Variants in HCRTR2 observed in about 807,000 individuals in gnomAD.
The protein encoded by HCRTR2 is orexin receptor type 2.
HCRTR2 carries 22 observed loss-of-function variants against 49.0 expected under a neutral mutation model. That is an observed-to-expected ratio of 0.45 (90% CI 0.32 to 0.64). The LOEUF is 0.64. HCRTR2 is among the 30% of genes least tolerant of loss of function. The probability of loss-of-function intolerance (pLI) is 0.04; values close to 1 mark genes in which losing one functional copy is unlikely to be tolerated. For missense variants in HCRTR2, 491 were observed against 559.4 expected (o/e 0.88, Z 1.23); for synonymous variants, 236 against 205.3 (o/e 1.15, Z -1.28).
chr6:55,269,496 T>C (rs1766930688), intron 4 of HCRTR2, among the ~76,000 whole-genome samples: 1 of 152,102 alleles, frequency 6.6e-6, no homozygotes, highest in African/African-American at 2.4e-5. Flanking sequence ...TTAGAACAAA[T>C]AAATGAGTTC....
chr6:55,271,324 G>A (rs960417116), intron 4 of HCRTR2, among the ~76,000 whole-genome samples: 3 of 152,044 alleles, frequency 2.0e-5, no homozygotes, highest in Non-Finnish European at 4.4e-5. Context: ...ATGGTGTTAA[G>A]ACAATTGTAT....
intron 4 of HCRTR2, among the ~76,000 whole-genome samples, chr6:55,265,474 G>C (rs1766844400): frequency 6.6e-6 from 1 of 152,108 alleles, no homozygotes; most frequent in Admixed American, 6.6e-5. Flanking sequence ...GGCACTTTCT[G>C]GGACATGGCA....
intron 4 of HCRTR2, among the ~76,000 whole-genome samples, chr6:55,273,174 G>C (rs1217309756): frequency 2.0e-5 from 3 of 151,992 alleles, no homozygotes; most frequent in Non-Finnish European, 2.9e-5. Context: ...TTGGAATACA[G>C]TCATCTTCAT....
At chr6:55,163,108 C>G (rs539022118) in intron 1 of HCRTR2, among the ~76,000 whole-genome samples, 1 of 151,846 alleles carries the variant, frequency 6.6e-6, no homozygotes, top group African/African-American at 2.4e-5. Flanking sequence ...TGGTGGCAGG[C>G]GCCTGTAGTC....
chr6:55,259,517 TTAAGA>T (rs1203915501), intron 3 of HCRTR2, among the ~76,000 whole-genome samples: 2 of 152,030 alleles, frequency 1.3e-5, no homozygotes, highest in Non-Finnish European at 2.9e-5. Flanking sequence ...TTCTAGATAA[TTAAGA>T]TAACATGCTG....
chr6:55,174,408 CGCA>C (rs1341816085), upstream of HCRTR2: 10 of 655,032 alleles, frequency 1.5e-5, no homozygotes, highest in Non-Finnish European at 2.8e-5. Context: ...GCAAAGCCAC[CGCA>C]GAAGTTGCCC....
chr6:55,140,504 G>A (rs1764492014), intron 1 of HCRTR2, among the ~76,000 whole-genome samples: 1 of 152,136 alleles, frequency 6.6e-6, no homozygotes, highest in Non-Finnish European at 1.5e-5. Context: ...AAGGGTAAAA[G>A]GAGAAATCCC....
intron 5 of HCRTR2, among the ~76,000 whole-genome samples, chr6:55,278,035 A>G (rs1285167181): frequency 1.3e-5 from 2 of 152,190 alleles, no homozygotes; most frequent in African/African-American, 2.4e-5. Flanking sequence ...TTATGTTAGT[A>G]TTCTAATTAT....
intron 1 of HCRTR2, among the ~76,000 whole-genome samples, chr6:55,144,099 CTTTT>C (rs530138605): frequency 3.3e-4 from 28 of 85,370 alleles, no homozygotes; most frequent in African/African-American, 1.5e-3. Context: ...CCCGTCCTGC[CTTTT>C]TTTTTTTTTT....
intron 4 of HCRTR2, among the ~76,000 whole-genome samples, chr6:55,265,465 G>A (rs1488343493): frequency 6.6e-6 from 1 of 152,090 alleles, no homozygotes; most frequent in Non-Finnish European, 1.5e-5. Flanking sequence ...TGAAGAAATG[G>A]CACTTTCTGG....
chr6:55,242,864 A>G (rs1373468903), intron 1 of HCRTR2, among the ~76,000 whole-genome samples: 1 of 152,230 alleles, frequency 6.6e-6, no homozygotes, highest in African/African-American at 2.4e-5. Flanking sequence ...TTTTAAAAAT[A>G]TTGTATTATT....
At chr6:55,165,006 G>A (rs961061481) in intron 1 of HCRTR2, among the ~76,000 whole-genome samples, 17 of 152,054 alleles carry the variant, frequency 1.1e-4, no homozygotes, top group African/African-American at 4.1e-4. Flanking sequence ...CAGAAATTTT[G>A]GAGCTGAAAA....
intron 1 of HCRTR2, among the ~76,000 whole-genome samples, chr6:55,121,381 T>G (rs578182910): frequency 6.6e-6 from 1 of 152,102 alleles, no homozygotes; most frequent in African/African-American, 2.4e-5. Flanking sequence ...TGGGCTGAGA[T>G]GATGGGATTT....
At chr6:55,153,336 T>C (rs1259085270) in intron 1 of HCRTR2, among the ~76,000 whole-genome samples, 1 of 152,024 alleles carries the variant, frequency 6.6e-6, no homozygotes, top group African/African-American at 2.4e-5. Context: ...ATGGTATAGC[T>C]TACTACACAC....
chr6:55,245,112 C>T (rs1014136415), intron 1 of HCRTR2, among the ~76,000 whole-genome samples: 2 of 151,682 alleles, frequency 1.3e-5, no homozygotes, highest in Admixed American at 1.3e-4. Flanking sequence ...ATACCCACAG[C>T]TTTGTTCATT....
intron 1 of HCRTR2, among the ~76,000 whole-genome samples, chr6:55,132,522 T>G (rs762068826): frequency 1.3e-5 from 2 of 151,868 alleles, no homozygotes; most frequent in Non-Finnish European, 2.9e-5. Context: ...ACAATTAGCC[T>G]CAAGAACAGA....
chr6:55,254,310 A>G (rs2127316350), intron 2 of HCRTR2, among the ~76,000 whole-genome samples: 1 of 152,318 alleles, frequency 6.6e-6, no homozygotes, highest in South Asian at 2.1e-4. Flanking sequence ...CAGAATCAAT[A>G]TTTCATCCAG....
intron 1 of HCRTR2, among the ~76,000 whole-genome samples, chr6:55,210,208 A>G (rs1765673117): frequency 6.6e-6 from 1 of 151,966 alleles, no homozygotes; most frequent in African/African-American, 2.4e-5. Context: ...ATGCTTATTT[A>G]AAGTATGTAT....
intron 1 of HCRTR2, among the ~76,000 whole-genome samples, chr6:55,166,351 A>C (rs1038609033): frequency 6.6e-6 from 1 of 150,960 alleles, no homozygotes; most frequent in Admixed American, 6.6e-5. Flanking sequence ...TGAGCGTGTC[A>C]GGAAGTCCAA....
Sources: allele counts gnomAD v4.1 joint callset (sites outside exome capture counted in the v4.1 genomes callset), GRCh38; gene constraint gnomAD v4.1.1; transcripts MANE v1.5; gene names NCBI Gene and HGNC (gene_info 2026-07-23, HGNC 2026-07-21).